The following NAB2 variants were observed in gnomAD, a reference collection of about 807,000 sequenced individuals.
NAB2 encodes the protein NGFI-A binding protein 2.
A neutral mutation model predicts 44.2 loss-of-function variants in NAB2; 9 were observed. The observed-to-expected ratio is 0.20, with a 90% CI of 0.12 to 0.36. The LOEUF (loss-of-function observed/expected upper bound fraction) is 0.36, where lower values mean the gene tolerates loss of function less well. NAB2 is among the 10% of genes least tolerant of loss of function. NAB2 has a pLI of 1.00. For synonymous variants in NAB2, 342 were observed against 291.0 expected, an observed-to-expected ratio of 1.18 and a Z score of -1.78; for missense variants, 514 against 709.0, an observed-to-expected ratio of 0.73 and a Z score of 3.12.
chr12:57,093,417 A>T lies in NAB2; in HGVS notation c.1287A>T (p.Ser429=), dbSNP rs1237997293. 6.3e-7 allele frequency: 1 copy of T among 1,575,788 alleles called. No individual in the cohort carries two copies. Among genetic ancestry groups the T allele is most frequent in the Non-Finnish European group, 8.6e-7 (1 of 1,162,342 alleles). The change falls in exon 6 of 7, where the codon TCA becomes TCT. Residue 429 remains serine (S), a synonymous_variant. Transcript: ENST00000300131. The part of the protein sequence containing the change: ...SLDGHLQAVG[S]CPRLTPPPAD... ...TGCCCATGCCCACAGCTGTGGGGTC[A>T]TGTCCAAGGCTGACGCCGCCCCCTG...
chr12:57,094,678 G>T lies in NAB2; in HGVS notation c.1535G>T (p.Arg512Leu). The T allele has an allele frequency of 6.4e-7, 1 of 1,555,018 alleles. No homozygotes were observed. The highest frequency in any genetic ancestry group is 2.4e-5 in the East Asian group (1 of 41,466). The stretch of plus-strand genomic sequence containing the variant: ...CCCCATCCCGCGCTGGTGGAGGGTC[G>T]CAGGAGCAGCGTGAAAGTGGAGGCT... ...PGPHPALVEGRRSSVKVEAEA... is the reference protein window; with the variant it reads ...PGPHPALVEGLRSSVKVEAEA... Residue 512 changes from arginine to leucine, a missense_variant, in exon 7 of 7, where the codon CGC becomes CTC. Transcript: ENST00000300131.
intron 5 of NAB2, 35 bp from the exon 6 acceptor site, chr12:57,093,372 G>A: frequency 6.6e-7 from 1 of 1,504,388 alleles, no homozygotes; most frequent in East Asian, 2.4e-5. Context: ...TCCATTGGCT[G>A]CAGCCCCTTA....
chr12:57,089,514 C>T (rs1178981704), intron 1 of NAB2, among the ~76,000 whole-genome samples, 160 bp downstream of exon 1: 2 of 151,916 alleles, frequency 1.3e-5, no homozygotes. Context: ...AATTAGGGGG[C>T]CCTGGGAGCA....
At chr12:57,094,439 A>G (rs1341151309) in intron 6 of NAB2, among the ~76,000 whole-genome samples, 173 bp from the exon 7 acceptor site, 2 of 152,140 alleles carry the variant, frequency 1.3e-5, no homozygotes, top group Non-Finnish European at 2.9e-5. Context: ...GAGGGGGCTC[A>G]CACACATGGG....
rs2033184113 is a variant in NAB2, at chr12:57,091,580, G to A, written c.539G>A (p.Gly180Glu). The A allele has an allele frequency of 6.2e-7, 1 of 1,606,014 alleles. No homozygotes were observed. Residue 180 changes from glycine (G) to glutamate (E), a missense_variant, in exon 2 of 7, where the codon GGG becomes GAG. Transcript: ENST00000300131. This position sits in a 1 kb window ranked among gnomAD's most constrained non-coding sequence, Gnocchi z 7.3. Reference sequence around the variant, plus strand: ...CCACTGCCTGGGGGACCTGGGGCAGGGGACCCCCGGATCTGGCCAGGCCGG... The same window carrying A: ...CCACTGCCTGGGGGACCTGGGGCAGAGGACCCCCGGATCTGGCCAGGCCGG... ...LSPLPGGPGA[G>E]DPRIWPGRST...
At chr12:57,092,021 G>C (rs1165809053) in intron 2 of NAB2, 23 bp downstream of exon 2, 4 of 1,580,480 alleles carry the variant, frequency 2.5e-6, no homozygotes, top group Admixed American at 1.7e-5. Context: ...AGGCCTCCTA[G>C]GATTGCCCTT....
chr12:57,092,050 C>T (rs537092136), intron 2 of NAB2, 52 bp downstream of exon 2: 21 of 1,552,356 alleles, frequency 1.4e-5, no homozygotes, highest in Admixed American at 7.6e-5. Flanking sequence ...GGTCTCCAGC[C>T]GCTTACCTCT....
chr12:57,093,592 C>T lies in NAB2; in HGVS notation c.1462C>T (p.Leu488Phe). 6.6e-7 allele frequency: 1 copy of T among 1,510,274 alleles called. No individual in the cohort carries two copies. The highest frequency in any genetic ancestry group is 1.4e-5 in the African/African-American group (1 of 72,258). The allele number at this position is 1,510,274 out of a possible 1,614,324, so 93.6% of individuals were successfully genotyped here. ...CCCCTGTGTGCCTGCGAAGCCACCT[C>T]TCGCAGGTGAGGCAGCCAGCAGTGC... ...LSPCVPAKPP[L>F]AEFEEGLLDR... is the part of the protein sequence containing the mutation. Residue 488 changes from leucine (L) to phenylalanine (F), a missense_variant, in exon 6 of 7, where the codon CTC becomes TTC. Physicochemically the swap from Leu to Phe is conservative, Grantham distance 22 (BLOSUM62 0). Transcript: ENST00000300131.
At chr12:57,090,407 C>A (rs1188496349) in intron 1 of NAB2, among the ~76,000 whole-genome samples, 1 of 152,176 alleles carries the variant, frequency 6.6e-6, no homozygotes, top group East Asian at 1.9e-4. Context: ...TCGCTTGAAC[C>A]CGGGAGGCGG....
At chr12:57,089,425 GC>G in intron 1 of NAB2, 71 bp downstream of exon 1, 1 of 1,411,942 alleles carries the variant, frequency 7.1e-7, no homozygotes, top group Non-Finnish European at 9.6e-7. Flanking sequence ...GGTCCAGAGG[GC>G]GGAGGTCGAG....
intron 2 of NAB2, 72 bp downstream of exon 2, chr12:57,092,070 T>C: frequency 1.3e-6 from 2 of 1,532,754 alleles, no homozygotes; most frequent in Admixed American, 2.0e-5. Context: ...TGCGAGTTTC[T>C]ACAGTCTCCG....
chr12:57,089,300 A>T lies in NAB2; in HGVS notation c.29A>T (p.Glu10Val), dbSNP rs1314574927. Residue 10 changes from glutamate to valine, a missense_variant, in exon 1 of 7, where the codon GAG becomes GTG. Physicochemically the swap from Glu to Val is moderately radical, Grantham distance 121. Transcript: ENST00000300131. MHRAPSPTAEQPPGGGDSAR... is the reference protein window; with the variant it reads MHRAPSPTAVQPPGGGDSAR... Reference sequence around the variant, plus strand: ...CACAGAGCGCCTTCCCCCACAGCCGAGCAGCCGCCGGGCGGAGGGGACAGC... The same window carrying T: ...CACAGAGCGCCTTCCCCCACAGCCGTGCAGCCGCCGGGCGGAGGGGACAGC... 2 of 1,578,140 alleles carry T rather than the reference A, an allele frequency of 1.3e-6. No homozygotes were observed. The highest frequency in any genetic ancestry group is 3.7e-5 in the Admixed American group (2 of 54,496).
At chr12:57,093,744 C>T (rs2033254941) in intron 6 of NAB2, 146 bp downstream of exon 6, 1 of 886,240 alleles carries the variant, frequency 1.1e-6, no homozygotes. Context: ...CCAGCCAGGC[C>T]TTGGGGTGCA....
In NAB2 at chr12:57,089,230, C is replaced by T; in HGVS notation, c.-42C>T. The T allele has an allele frequency of 6.5e-7, 1 of 1,549,508 alleles. No individual in the cohort carries two copies. The highest frequency in any genetic ancestry group is 1.2e-5 in the South Asian group (1 of 84,220). On this transcript the variant is annotated 5_prime_UTR_variant, in exon 1 of 7. Transcript: ENST00000300131. ...GGCAGCACGCAGCAGGCGCCGAGCG[C>T]CGGGCACCGAGAAGGGCAGCCCGGG...
chr12:57,092,439 C>T lies in NAB2; in HGVS notation c.958-9C>T. 2 of 1,613,140 alleles carry T rather than the reference C, an allele frequency of 1.2e-6. No individual in the cohort carries two copies. Among genetic ancestry groups the T allele is most frequent in the Non-Finnish European group, 1.7e-6 (2 of 1,179,316 alleles). On this transcript the variant is annotated splice_polypyrimidine_tract_variant and intron_variant, in intron 2 of 6. Coordinates refer to ENST00000300131, the MANE Select transcript of NAB2 (RefSeq NM_005967.4). ...AATTCTGACTCTCCTGGCTGCCCTC[C>T]CTCCACAGCTCACCATCAACGAGGC...
Position 57,095,124 on chromosome 12 carries a change from C to T in NAB2, c.*403C>T, listed in dbSNP as rs892079756. The T allele has an allele frequency of 5.9e-5, 10 of 169,288 alleles. No individual in the cohort carries two copies. The highest frequency in any genetic ancestry group is 1.1e-4 in the Non-Finnish European group (9 of 78,744). 10.5% of individuals were successfully genotyped at this position (169,288 alleles called of 1,614,324 possible). A position where few individuals can be genotyped will look rare whatever the true frequency, so the allele number is the denominator to read the frequency against. The stretch of plus-strand genomic sequence containing the variant: ...CAGCTAAAAGTGGCAACATTTGCCC[C>T]CAGAATTGGGGGCCTGGGAACACTG... On this transcript the variant is annotated 3_prime_UTR_variant, in exon 7 of 7. Coordinates refer to ENST00000300131, the MANE Select transcript of NAB2 (RefSeq NM_005967.4).
intron 1 of NAB2, 104 bp downstream of exon 1, chr12:57,089,458 A>T: frequency 4.2e-6 from 1 of 236,566 alleles, no homozygotes. Flanking sequence ...GGGAAGCAGG[A>T]CGGGGGTGGG....
rs778416742 is a variant in NAB2, at chr12:57,091,728, G to T, written c.687G>T (p.Gly229=). 1.9e-6 allele frequency: 3 copies of T among 1,614,056 alleles called. No individual in the cohort carries two copies. The highest frequency in any genetic ancestry group is 2.2e-5 in the South Asian group (2 of 91,088). The part of the protein sequence containing the change: ...GTGAGGLAAG[G]TGGGPDRLEP... ...GGGCTGGGGGGCTGGCAGCAGGTGG[G>T]ACTGGGGGTGGTCCAGACCGACTGG... The change falls in exon 2 of 7, where the codon GGG becomes GGT. Residue 229 remains glycine (G), a synonymous_variant. Coordinates refer to ENST00000300131, the MANE Select transcript of NAB2 (RefSeq NM_005967.4). The surrounding 1 kb of genome is among the most constrained non-coding windows in gnomAD (Gnocchi z 7.3).
At position 57,089,199 on chromosome 12, in the gene NAB2, G is replaced by A; in HGVS notation, c.-73G>A. ...CGGTGGACACGGCATCGTGCGCGGG[G>A]AAGAGGGCAGCACGCAGCAGGCGCC... is the stretch of plus-strand genomic sequence containing the variant. On this transcript the variant is annotated 5_prime_UTR_variant, in exon 1 of 7. Transcript: ENST00000300131. The A allele has an allele frequency of 6.9e-7, 1 of 1,454,262 alleles. No homozygotes were observed. The highest frequency in any genetic ancestry group is 9.4e-7 in the Non-Finnish European group (1 of 1,065,072). The allele number at this position is 1,454,262 out of a possible 1,614,324, so 90.1% of individuals were successfully genotyped here.
Sources: allele counts gnomAD v4.1 joint callset (sites outside exome capture counted in the v4.1 genomes callset), GRCh38; gene constraint gnomAD v4.1.1; non-coding constraint Gnocchi (gnomAD v3.1); transcripts MANE v1.5; gene names NCBI Gene and HGNC (gene_info 2026-07-23, HGNC 2026-07-21).